SLURP2: variants seen among roughly 807,000 people sequenced by gnomAD.
The protein encoded by SLURP2 is secreted LY6/PLAUR domain containing 2.
In SLURP2, 4 loss-of-function variants were observed where a neutral mutation model predicts 9.8. That is an observed-to-expected ratio of 0.41 (90% CI 0.20 to 0.94). The LOEUF (loss-of-function observed/expected upper bound fraction) is 0.94, where lower values mean the gene tolerates loss of function less well. Ranked by LOEUF, SLURP2 falls within the 40% of genes least tolerant of loss-of-function variation. SLURP2 has a pLI of 0.32. For synonymous variants in SLURP2, 58 were observed against 56.2 expected (o/e 1.03, Z -0.15); for missense variants, 118 against 126.4 (o/e 0.93, Z 0.32).
In SLURP2 at chr8:142,769,741, G is replaced by C. The variant is rs369793955; in HGVS notation, c.52+14C>G. 199 of 1,598,738 alleles carry C rather than the reference G, an allele frequency of 1.2e-4. No homozygotes were observed. Among genetic ancestry groups the C allele is most frequent in the Non-Finnish European group, 1.7e-4 (195 of 1,174,334 alleles). On this transcript the variant is annotated intron_variant, in intron 1 of 2. Transcript: ENST00000317543. ...GGGCCTTGAGCAGGAGGTGGCCCCA[G>C]CCCCTGGACTCACCCAGCTGCAGGC...
Position 142,764,581 on chromosome 8 carries a change from C to A in SLURP2, c.*24G>T, listed in dbSNP as rs192316016. ...GTGGGGGCTGTGGGGGCTGAGCGTC[C>A]GGGGGCCTGGAGGAGGGCAGCCGTC... On this transcript the variant is annotated 3_prime_UTR_variant, in exon 3 of 3. Transcript: ENST00000317543. 1 of 1,597,058 alleles carries A rather than the reference C, an allele frequency of 6.3e-7. No individual in the cohort carries two copies. The highest frequency in any genetic ancestry group is 8.5e-7 in the Non-Finnish European group (1 of 1,173,958).
chr8:142,765,026 T>A lies in SLURP2; in HGVS notation c.157+10A>T, dbSNP rs761752117. On this transcript the variant is annotated intron_variant, in intron 2 of 2. Coordinates refer to ENST00000317543, the MANE Select transcript of SLURP2 (RefSeq NM_177458.3). ...AAGGACGTGGCCAGCCCACCACTGT[T>A]CCCACTTACGGGTGGCAGTGGTGAC... 3 of 1,600,498 alleles carry A rather than the reference T, an allele frequency of 1.9e-6. No homozygotes were observed. Among genetic ancestry groups the A allele is most frequent in the African/African-American group, 2.7e-5 (2 of 74,824 alleles).
rs1384572605 is a variant in SLURP2, at chr8:142,765,041, G to T, written c.152C>A (p.Ala51Asp). 6.2e-7 allele frequency: 1 copy of T among 1,609,344 alleles called. No individual in the cohort carries two copies. The highest frequency in any genetic ancestry group is 2.2e-5 in the East Asian group (1 of 44,832). The stretch of plus-strand genomic sequence containing the variant: ...CCACCACTGTTCCCACTTACGGGTG[G>T]CAGTGGTGACACAGTGGGTGGAGTC... Reference protein sequence around the residue: ...LRDSTHCVTTATRVLSNTEDL... With the variant: ...LRDSTHCVTTDTRVLSNTEDL... The change falls in exon 2 of 3, where the codon GCC (alanine) becomes GAC (aspartate). Residue 51 changes from alanine to aspartate, a missense_variant. Physicochemically the swap from Ala to Asp is moderately radical, Grantham distance 126. Transcript: ENST00000317543.
At chr8:142,764,917 C>A in intron 2 of SLURP2, 119 bp downstream of exon 2, 2 of 1,120,920 alleles carry the variant, frequency 1.8e-6, no homozygotes, top group Non-Finnish European at 2.6e-6. Context: ...CACTGGCGGA[C>A]ACTCCCCACT....
At chr8:142,764,897 C>T in intron 2 of SLURP2, 139 bp downstream of exon 2, 1 of 1,142,110 alleles carries the variant, frequency 8.8e-7, no homozygotes, top group Non-Finnish European at 1.3e-6. Flanking sequence ...TCATACCCTT[C>T]CCTGGGCATC....
At chr8:142,765,407 C>T (rs1297691916) in intron 1 of SLURP2, among the ~76,000 whole-genome samples, 1 of 151,504 alleles carries the variant, frequency 6.6e-6, no homozygotes, top group Non-Finnish European at 1.5e-5. Context: ...AGCCCTGGCT[C>T]GCAGTGTGAT....
chr8:142,764,748 G>A lies in SLURP2; in HGVS notation c.158-7C>T, dbSNP rs367624912. ...TCGGTGTTGCTGAGGACCCCTGAGT[G>A]GGCAGGAGAGAAACCATGGAGCTCC... On this transcript the variant is annotated splice_region_variant and splice_polypyrimidine_tract_variant and intron_variant, in intron 2 of 2. Coordinates refer to ENST00000317543, the MANE Select transcript of SLURP2 (RefSeq NM_177458.3). 6.3e-5 allele frequency: 101 copies of A among 1,612,482 alleles called. No homozygotes were observed. The highest frequency in any genetic ancestry group is 3.3e-4 in the Middle Eastern group (2 of 6,060).
intron 2 of SLURP2, 56 bp downstream of exon 2, chr8:142,764,980 A>G: frequency 6.9e-7 from 1 of 1,459,456 alleles, no homozygotes; most frequent in Non-Finnish European, 9.4e-7. Context: ...CTCTGAGCCC[A>G]CATCTTCCCA....
chr8:142,769,544 T>G, intron 1 of SLURP2, among the ~76,000 whole-genome samples: 1 of 64,854 alleles, frequency 1.5e-5, no homozygotes. Flanking sequence ...TCCTGAGAAG[T>G]GTGGGGGCCA....
In SLURP2 at chr8:142,769,774, G is replaced by T. The variant is rs1171208223; in HGVS notation, c.33C>A (p.Ala11=). MQLGTGLLLA[A]VLSLQLAAAE... The stretch of plus-strand genomic sequence containing the variant: ...ACTCACCCAGCTGCAGGCTCAGGAC[G>T]GCGGCCAGCAGGAGCCCAGTGCCGA... Residue 11 remains alanine, a synonymous_variant, in exon 1 of 3, where the codon GCC becomes GCA. Coordinates refer to ENST00000317543, the MANE Select transcript of SLURP2 (RefSeq NM_177458.3). 3 of 1,602,824 alleles carry T rather than the reference G, an allele frequency of 1.9e-6. 1 individual carries two copies. The highest frequency in any genetic ancestry group is 3.7e-4 in the Middle Eastern group (2 of 5,438).
intron 1 of SLURP2, among the ~76,000 whole-genome samples, chr8:142,767,115 G>A (rs1049718928): frequency 2.0e-4 from 30 of 152,348 alleles, no homozygotes; most frequent in African/African-American, 7.2e-4. Context: ...TGCACACCAG[G>A]CCCCTGCCAC....
rs368534786 is a variant in SLURP2 at position 142,765,007 on chromosome 8, G to A, written c.157+29C>T. The A allele has an allele frequency of 1.4e-4, 220 of 1,565,356 alleles. No homozygotes were observed. In the Middle Eastern group the frequency reaches 7.4e-3, roughly 52 times the overall value. ...ATCTTCCCACCTGGGCAAGAAGGAC[G>A]TGGCCAGCCCACCACTGTTCCCACT... is the stretch of plus-strand genomic sequence containing the variant. On this transcript the variant is annotated intron_variant, in intron 2 of 2. Transcript: ENST00000317543.
rs1023818783 is a variant in SLURP2 at position 142,765,150 on chromosome 8, T to C, written c.53-10A>G. 2.0e-5 allele frequency: 32 copies of C among 1,602,632 alleles called. No homozygotes were observed. The highest frequency in any genetic ancestry group is 2.5e-5 in the Non-Finnish European group (29 of 1,174,516). ...ATGGCTTCGGCTGCAGCTGCGGACA[T>C]GGGGACAGACAGGACACAAACGGAT... On this transcript the variant is annotated splice_polypyrimidine_tract_variant and intron_variant, in intron 1 of 2. Transcript: ENST00000317543.
rs372785679 is a variant in SLURP2 at position 142,764,603 on chromosome 8, C to T, written c.*2G>A. 33 of 1,602,944 alleles carry T rather than the reference C, an allele frequency of 2.1e-5. No individual in the cohort carries two copies. Among genetic ancestry groups the T allele is most frequent in the Middle Eastern group, 1.7e-4 (1 of 6,000 alleles). On this transcript the variant is annotated 3_prime_UTR_variant, in exon 3 of 3. Coordinates refer to ENST00000317543, the MANE Select transcript of SLURP2 (RefSeq NM_177458.3). The stretch of plus-strand genomic sequence containing the variant: ...GTCCGGGGGCCTGGAGGAGGGCAGC[C>T]GTCAGTCATGGTTGCAGAGGCTGGT...
chr8:142,769,686 G>A lies in SLURP2; in HGVS notation c.52+69C>T, dbSNP rs925805791. ...AGGTGGGCAGTCACAGCCCAGGGCT[G>A]GAGGGACGGTGGTTGGGCTAGAGTG... is the stretch of plus-strand genomic sequence containing the variant. On this transcript the variant is annotated intron_variant, in intron 1 of 2. Coordinates refer to ENST00000317543, the MANE Select transcript of SLURP2 (RefSeq NM_177458.3). The A allele has an allele frequency of 6.3e-6, 9 of 1,434,870 alleles. No individual in the cohort carries two copies. In the African/African-American group the frequency reaches 1.1e-4, roughly 18 times the overall value. 88.9% of individuals were successfully genotyped at this position (1,434,870 alleles called of 1,614,324 possible).
rs1402939356 is a variant in SLURP2, at chr8:142,764,872, G to A, written c.158-131C>T. 4.0e-6 allele frequency: 5 copies of A among 1,248,676 alleles called. No homozygotes were observed. The African/African-American group carries it at 4.5e-5, about 11-fold the overall frequency. 77.3% of individuals were successfully genotyped at this position (1,248,676 alleles called of 1,614,324 possible). ...GAAGCATACGGGCCCTCCTGGGGCA[G>A]ACGTGGCCCTTTGCTCATACCCTTC... On this transcript the variant is annotated intron_variant, in intron 2 of 2. Transcript: ENST00000317543.
chr8:142,765,643 G>A (rs1013488207), intron 1 of SLURP2, among the ~76,000 whole-genome samples: 1 of 152,218 alleles, frequency 6.6e-6, no homozygotes, highest in Non-Finnish European at 1.5e-5. Context: ...CCAGGATGTG[G>A]TGGAACAGGA....
Position 142,765,181 on chromosome 8 carries a change from G to A in SLURP2, c.53-41C>T, listed in dbSNP as rs774938208. 8.5e-5 allele frequency: 127 copies of A among 1,501,278 alleles called. 2 individuals are homozygous for A. The South Asian group carries it at 1.4e-3, about 17-fold the overall frequency. 93.0% of individuals were successfully genotyped at this position (1,501,278 alleles called of 1,614,324 possible). A position where few individuals can be genotyped will look rare whatever the true frequency, so the allele number is the denominator to read the frequency against. ...CAGACAGGACACAAACGGATGGGAGGCAGGTGTGGGCCACCTTCTGCAGTG... is the reference window on the plus strand; with the variant it reads ...CAGACAGGACACAAACGGATGGGAGACAGGTGTGGGCCACCTTCTGCAGTG... On this transcript the variant is annotated intron_variant, in intron 1 of 2. Transcript: ENST00000317543.
Position 142,768,001 on chromosome 8 carries a change from T to C in SLURP2, c.52+1754A>G, listed in dbSNP as rs1179353060. Among the ~76,000 whole-genome samples the C allele has an allele frequency of 6.6e-6, 1 of 151,940 alleles. No homozygotes were observed. Among genetic ancestry groups the C allele is most frequent in the Non-Finnish European group, 1.5e-5 (1 of 68,002 alleles). On this transcript the variant is annotated intron_variant, in intron 1 of 2. Transcript: ENST00000317543. The surrounding 1 kb of genome is among the most constrained non-coding windows in gnomAD (Gnocchi z 4.8). ...AATTCTGTCCCTTATCAGAGGGTTTTTGATTTTCAGCAATGAGATCCTGAG... is the reference window on the plus strand; with the variant it reads ...AATTCTGTCCCTTATCAGAGGGTTTCTGATTTTCAGCAATGAGATCCTGAG...
Sources: gnomAD v4.1 joint callset for allele counts (sites outside exome capture counted in the v4.1 genomes callset) on GRCh38, gnomAD v4.1.1 for gene constraint, Gnocchi (gnomAD v3.1) non-coding constraint, MANE v1.5 for transcripts, NCBI Gene and HGNC (gene_info 2026-07-23, HGNC 2026-07-21) for gene names.